The following IL1RAPL2 variants were observed in gnomAD, a reference collection of about 807,000 sequenced individuals.
The protein encoded by IL1RAPL2 is interleukin 1 receptor accessory protein like 2, also known as X-linked interleukin-1 receptor accessory protein-like 2.
Under a neutral mutation model 44.1 loss-of-function variants are expected in IL1RAPL2, and 3 were observed. That is an observed-to-expected ratio of 0.07 (90% CI 0.03 to 0.18). IL1RAPL2 has a LOEUF of 0.18. Ranked by LOEUF, IL1RAPL2 falls within the 10% of genes least tolerant of loss-of-function variation. The pLI is 1.00. For missense variants in IL1RAPL2, 391 were observed against 496.4 expected (o/e 0.79, Z 2.02); for synonymous variants, 181 against 178.8 (o/e 1.01, Z -0.10).
Position 105,274,059 on chromosome X carries a change from T to C in IL1RAPL2, c.697+6518T>C, listed in dbSNP as rs961879264. Among the ~76,000 whole-genome samples the C allele has an allele frequency of 1.6e-4, 18 of 112,279 alleles. No homozygotes were observed. In the East Asian group the frequency reaches 1.7e-3, roughly 11 times the overall value. On this transcript the variant is annotated intron_variant, in intron 5 of 10. Transcript: ENST00000372582. ...ACTGCATGATTTCACTCACCAAATGTGTATTGCATACCTAGAGAACATAAA... is the reference window on the plus strand; with the variant it reads ...ACTGCATGATTTCACTCACCAAATGCGTATTGCATACCTAGAGAACATAAA...
intron 2 of IL1RAPL2, among the ~76,000 whole-genome samples, chrX:104,741,886 C>G (rs1444503936): frequency 1.8e-5 from 2 of 111,435 alleles, no homozygotes; most frequent in East Asian, 5.7e-4. Flanking sequence ...AGTGAGATTC[C>G]TGTAAACCTG....
At chrX:105,244,931 G>A (rs12840518) in intron 4 of IL1RAPL2, among the ~76,000 whole-genome samples, 1 of 111,519 alleles carries the variant, frequency 9.0e-6, no homozygotes, top group South Asian at 3.8e-4. Context: ...TTACAGCTCA[G>A]CATTTGTCTT....
intron 2 of IL1RAPL2, among the ~76,000 whole-genome samples, chrX:104,932,362 T>C (rs1924928113): frequency 9.0e-6 from 1 of 110,886 alleles, no homozygotes; most frequent in Non-Finnish European, 1.9e-5. Context: ...CAGAAACCTA[T>C]GCTGTAGGGT....
At chrX:104,655,562 A>G (rs935920064) in intron 1 of IL1RAPL2, among the ~76,000 whole-genome samples, 37 of 111,655 alleles carry the variant, frequency 3.3e-4, no homozygotes, top group African/African-American at 1.1e-3. Context: ...GTGCTGTTGG[A>G]TTCAGTTTGC....
At chrX:104,989,755 A>G (rs1050349795) in intron 2 of IL1RAPL2, among the ~76,000 whole-genome samples, 5 of 111,905 alleles carry the variant, frequency 4.5e-5, no homozygotes, top group South Asian at 3.7e-4. Flanking sequence ...AAGGTAAAAA[A>G]AAATTATTTC....
At position 105,601,383 on chromosome X, in the gene IL1RAPL2, A is replaced by G. The variant is rs187046835; in HGVS notation, c.773-115984A>G. Among the ~76,000 whole-genome samples, 120 of 111,486 alleles carry G rather than the reference A, an allele frequency of 1.1e-3. 1 individual carries two copies. Among genetic ancestry groups the G allele is most frequent in the African/African-American group, 3.2e-3 (97 of 30,704 alleles). On this transcript the variant is annotated intron_variant, in intron 6 of 10. Transcript: ENST00000372582. ...GCAAATTGAGTAGAATGTCTGTGAGAGTACACTGGAATTCAGCAAGAAAAT... is the reference window on the plus strand; with the variant it reads ...GCAAATTGAGTAGAATGTCTGTGAGGGTACACTGGAATTCAGCAAGAAAAT...
chrX:105,082,565 G>T (rs1449065297), intron 2 of IL1RAPL2, among the ~76,000 whole-genome samples: 1 of 110,921 alleles, frequency 9.0e-6, no homozygotes, highest in Non-Finnish European at 1.9e-5. Context: ...GCTGGCATCT[G>T]GTGGGTGCCC....
At chrX:105,269,856 G>A (rs900039423) in intron 5 of IL1RAPL2, among the ~76,000 whole-genome samples, 3 of 111,981 alleles carry the variant, frequency 2.7e-5, no homozygotes, top group African/African-American at 3.2e-5. Context: ...AAGTAAATAC[G>A]AAACCTCCTT....
At chrX:105,250,315 AATT>A (rs1488598230) in intron 4 of IL1RAPL2, among the ~76,000 whole-genome samples, 4 of 111,280 alleles carry the variant, frequency 3.6e-5, no homozygotes, top group African/African-American at 1.3e-4. Flanking sequence ...GGATGTATGA[AATT>A]ATTCATTTGT....
intron 2 of IL1RAPL2, among the ~76,000 whole-genome samples, chrX:105,126,568 C>T (rs775311927): frequency 1.7e-4 from 19 of 111,300 alleles, no homozygotes; most frequent in African/African-American, 6.2e-4. Context: ...TTTCTGAATT[C>T]TTATAAGTTC....
chrX:105,130,786 A>C (rs1818612870), intron 2 of IL1RAPL2, among the ~76,000 whole-genome samples: 1 of 111,128 alleles, frequency 9.0e-6, no homozygotes, highest in Admixed American at 9.6e-5. Context: ...CTAGTAGCCT[A>C]CCACTTCAAC....
intron 5 of IL1RAPL2, among the ~76,000 whole-genome samples, chrX:105,371,750 T>G (rs925953943): frequency 1.8e-5 from 2 of 112,428 alleles, no homozygotes; most frequent in Non-Finnish European, 1.9e-5. Context: ...AACTGAGAGA[T>G]GAACACAAAC....
At chrX:105,662,923 T>C (rs2037731075) in intron 6 of IL1RAPL2, among the ~76,000 whole-genome samples, 1 of 112,441 alleles carries the variant, frequency 8.9e-6, no homozygotes, top group Admixed American at 9.4e-5. Context: ...TAATAAATGT[T>C]GATTATTTTA....
At chrX:105,045,094 A>T (rs1224601497) in intron 2 of IL1RAPL2, among the ~76,000 whole-genome samples, 1 of 111,290 alleles carries the variant, frequency 9.0e-6, no homozygotes, top group Non-Finnish European at 1.9e-5. Flanking sequence ...GAATTTGGTG[A>T]TGAATTAATT....
intron 2 of IL1RAPL2, among the ~76,000 whole-genome samples, chrX:104,807,634 C>T (rs950974559): frequency 5.4e-5 from 6 of 111,605 alleles, no homozygotes; most frequent in African/African-American, 9.8e-5. Context: ...CAGACGATCA[C>T]GGTTAACTCT....
chrX:104,908,709 C>T (rs1428488003), intron 2 of IL1RAPL2, among the ~76,000 whole-genome samples: 20 of 109,840 alleles, frequency 1.8e-4, no homozygotes, highest in Non-Finnish European at 1.5e-4. Flanking sequence ...GAGGGTAACC[C>T]GACCTTTCTC....
At chrX:105,229,857 G>A (rs2034051763) in intron 3 of IL1RAPL2, among the ~76,000 whole-genome samples, 1 of 111,854 alleles carries the variant, frequency 8.9e-6, no homozygotes, top group African/African-American at 3.3e-5. Context: ...GAGTGCAGTG[G>A]CACGATCTCA....
chrX:105,738,298 C>T (rs763929479), intron 7 of IL1RAPL2, among the ~76,000 whole-genome samples: 5 of 111,689 alleles, frequency 4.5e-5, no homozygotes, highest in African/African-American at 9.7e-5. Flanking sequence ...AGTTAAAGTG[C>T]GTATGGTAGT....
chrX:104,868,059 T>C (rs1485626302), intron 2 of IL1RAPL2, among the ~76,000 whole-genome samples: 1 of 111,264 alleles, frequency 9.0e-6, no homozygotes, highest in African/African-American at 3.3e-5. Flanking sequence ...TGCTGCAGTG[T>C]AAAAAATGGA....
Sources: allele counts gnomAD v4.1 joint callset (sites outside exome capture counted in the v4.1 genomes callset), GRCh38; gene constraint gnomAD v4.1.1; transcripts MANE v1.5; gene names NCBI Gene and HGNC (gene_info 2026-07-23, HGNC 2026-07-21).